Variants in BNC2 observed in about 807,000 individuals in gnomAD.
BNC2 encodes the protein zinc finger protein basonuclin-2.
Under a neutral mutation model 76.3 loss-of-function variants are expected in BNC2, and 20 were observed. The observed-to-expected ratio is 0.26, with a 90% CI of 0.18 to 0.38. The LOEUF (loss-of-function observed/expected upper bound fraction) is 0.38. Among genes scored for constraint, BNC2 ranks in the 10% least tolerant of loss-of-function variants. BNC2 has a pLI of 1.00. For synonymous variants in BNC2, 582 were observed against 514.8 expected (o/e 1.13, Z -1.77); for missense variants, 1,382 against 1,399.8 (o/e 0.99, Z 0.20).
chr9:16,643,512 T>C (rs1046051564), intron 3 of BNC2, among the ~76,000 whole-genome samples: 1 of 152,098 alleles, frequency 6.6e-6, no homozygotes, highest in African/African-American at 2.4e-5. Context: ...GAAAAAAATA[T>C]CCACGCATAG....
chr9:16,698,946 T>C (rs543452501), intron 3 of BNC2, among the ~76,000 whole-genome samples: 2 of 152,328 alleles, frequency 1.3e-5, no homozygotes, highest in South Asian at 2.1e-4. Context: ...TATGAACACA[T>C]ATCCTTTTGT....
chr9:16,549,531 C>A (rs1226940866), intron 5 of BNC2, among the ~76,000 whole-genome samples: 1 of 152,180 alleles, frequency 6.6e-6, no homozygotes, highest in South Asian at 2.1e-4. Flanking sequence ...TTCGGACACA[C>A]ATTTTATAGC....
chr9:16,869,413 T>TTG lies in BNC2; in HGVS notation c.3+1231_3+1232dup, dbSNP rs35846044. On this transcript the variant is annotated intron_variant, in intron 1 of 6. Transcript: ENST00000380672. ...TAACCACAGTCCTGGGCTCTTGCTT[T>TTG]TGTGTGTGTGTGTGTGTGTACGCGC... 3.1e-3 allele frequency among the ~76,000 whole-genome samples: 462 copies of TTG among 150,476 alleles called. 1 individual carries two copies. The highest frequency in any genetic ancestry group is 4.0e-3 in the South Asian group (19 of 4,776).
chr9:16,532,012 C>T (rs897767699), intron 5 of BNC2, among the ~76,000 whole-genome samples: 1 of 151,498 alleles, frequency 6.6e-6, no homozygotes, highest in African/African-American at 2.4e-5. Context: ...CAGTTGCTAA[C>T]GCATATTAAA....
rs920700964 is a variant in BNC2, at chr9:16,649,504, T to C, written c.331-66419A>G. On this transcript the variant is annotated intron_variant, in intron 3 of 6. Coordinates refer to ENST00000380672, the MANE Select transcript of BNC2 (RefSeq NM_017637.6). ...AGTAGGAGCACTGGTGCACAAGAGC[T>C]TACAATTAGAGACAGAAAAGGGAAG... Among the ~76,000 whole-genome samples, 170 of 152,256 alleles carry C rather than the reference T, an allele frequency of 1.1e-3. 2 individuals are homozygous for C. Among genetic ancestry groups the C allele is most frequent in the African/African-American group, 3.9e-3 (161 of 41,548 alleles).
intron 6 of BNC2, among the ~76,000 whole-genome samples, chr9:16,422,982 G>C (rs1435577433): frequency 6.6e-6 from 1 of 152,186 alleles, no homozygotes; most frequent in Non-Finnish European, 1.5e-5. Context: ...GAAGTTGGGA[G>C]AGACACAGAA....
intron 3 of BNC2, among the ~76,000 whole-genome samples, chr9:16,706,139 C>A (rs1343935319): frequency 6.6e-6 from 1 of 152,154 alleles, no homozygotes; most frequent in Non-Finnish European, 1.5e-5. Flanking sequence ...TAACCAATCA[C>A]AACAGTACTA....
At chr9:16,842,836 C>T (rs1202372998) in intron 1 of BNC2, among the ~76,000 whole-genome samples, 2 of 152,104 alleles carry the variant, frequency 1.3e-5, no homozygotes, top group African/African-American at 4.8e-5. Context: ...ACTGCAATCT[C>T]TGTCTCTTGG....
At chr9:16,678,243 C>G (rs184123485) in intron 3 of BNC2, among the ~76,000 whole-genome samples, 174 of 136,858 alleles carry the variant, frequency 1.3e-3, no homozygotes, top group African/African-American at 4.4e-3. Flanking sequence ...CAGACCATAA[C>G]TTGTAACTGT....
At chr9:16,580,089 G>A (rs538282349) in intron 4 of BNC2, 8 of 398,478 alleles carry the variant, frequency 2.0e-5, no homozygotes, top group South Asian at 1.3e-4. Flanking sequence ...TAAGGCAGCC[G>A]GAAAGAATGC....
chr9:16,598,692 C>T (rs1443958637), intron 3 of BNC2, among the ~76,000 whole-genome samples: 1 of 152,076 alleles, frequency 6.6e-6, no homozygotes. Flanking sequence ...GCATATGTTC[C>T]CCTCCACCAT....
intron 1 of BNC2, among the ~76,000 whole-genome samples, chr9:16,804,059 G>A (rs940332716): frequency 1.3e-5 from 2 of 152,168 alleles, no homozygotes; most frequent in Non-Finnish European, 2.9e-5. Flanking sequence ...ACTCTTTCAG[G>A]CTTCTGCCTG....
At chr9:16,816,856 T>C (rs1216964184) in intron 1 of BNC2, among the ~76,000 whole-genome samples, 4 of 152,306 alleles carry the variant, frequency 2.6e-5, no homozygotes, top group African/African-American at 9.6e-5. Context: ...ATAAAAAGTA[T>C]GGTGCTCTGG....
intron 3 of BNC2, among the ~76,000 whole-genome samples, chr9:16,592,959 T>C (rs991334443): frequency 1.3e-5 from 2 of 152,160 alleles, no homozygotes; most frequent in South Asian, 2.1e-4. Flanking sequence ...GCCATTTTTC[T>C]ATCCGGAAAA....
chr9:16,684,466 T>C lies in BNC2; in HGVS notation c.330+43331A>G, dbSNP rs375436321. Among the ~76,000 whole-genome samples, 56 of 152,262 alleles carry C rather than the reference T, an allele frequency of 3.7e-4. 1 individual carries two copies. Among genetic ancestry groups the C allele is most frequent in the African/African-American group, 1.2e-3 (50 of 41,546 alleles). ...GGGCCAAGAGCAGGTGTGCTAGAGA[T>C]GGCATACCCTTCGGTACCATAAAAA... On this transcript the variant is annotated intron_variant, in intron 3 of 6. Transcript: ENST00000380672.
intron 1 of BNC2, among the ~76,000 whole-genome samples, chr9:16,857,462 G>T: frequency 8.4e-6 from 1 of 119,544 alleles, no homozygotes; most frequent in East Asian, 2.5e-4. Context: ...GGGCAACAGA[G>T]TGAGACTCTG....
At chr9:16,555,121 G>A (rs934108176) in intron 4 of BNC2, among the ~76,000 whole-genome samples, 6 of 151,992 alleles carry the variant, frequency 3.9e-5, no homozygotes, top group African/African-American at 7.3e-5. Context: ...CCAGTTTCAC[G>A]CCATTCTCCT....
At chr9:16,689,316 G>A (rs1451438948) in intron 3 of BNC2, among the ~76,000 whole-genome samples, 1 of 152,114 alleles carries the variant, frequency 6.6e-6, no homozygotes, top group Non-Finnish European at 1.5e-5. Context: ...AAGGAAAAAA[G>A]AGAAAAGTCA....
chr9:16,642,615 C>CAA (rs2133864757), intron 3 of BNC2, among the ~76,000 whole-genome samples: 1 of 152,282 alleles, frequency 6.6e-6, no homozygotes, highest in Admixed American at 6.5e-5. Flanking sequence ...GCCAAGCGTC[C>CAA]ATTTGGCAGT....
Sources: allele counts gnomAD v4.1 joint callset (sites outside exome capture counted in the v4.1 genomes callset), GRCh38; gene constraint gnomAD v4.1.1; transcripts MANE v1.5; gene names NCBI Gene and HGNC (gene_info 2026-07-23, HGNC 2026-07-21).